Variants in AMOT observed in about 807,000 individuals in gnomAD.
The protein encoded by AMOT is angiomotin.
Under a neutral mutation model 67.0 loss-of-function variants are expected in AMOT, and 11 were observed. The ratio of observed to expected loss-of-function variants is 0.16; its 90% CI spans 0.10 to 0.27. The LOEUF (loss-of-function observed/expected upper bound fraction) is 0.27, where lower values mean the gene tolerates loss of function less well. Among genes scored for constraint, AMOT ranks in the 10% least tolerant of loss-of-function variants. The pLI is 1.00. For missense variants in AMOT, 753 were observed against 852.0 expected (o/e 0.88, Z 1.45); for synonymous variants, 326 against 321.4 (o/e 1.01, Z -0.15).
intron 2 of AMOT, among the ~76,000 whole-genome samples, chrX:112,829,365 G>A (rs1385168287): frequency 1.8e-5 from 2 of 110,709 alleles, no homozygotes; most frequent in Non-Finnish European, 3.8e-5. Context: ...TCTTGCTCTC[G>A]CTTTTGCCAT....
chrX:112,807,308 C>T (rs970754019), intron 7 of AMOT, among the ~76,000 whole-genome samples: 33 of 110,392 alleles, frequency 3.0e-4, no homozygotes, highest in African/African-American at 1.0e-3. Flanking sequence ...CCCTTTCCCC[C>T]AGATTTTACT....
In AMOT at chrX:112,779,192, G is replaced by C. The variant is rs1933025538; in HGVS notation, c.2962C>G (p.Pro988Ala). 1.3e-6 allele frequency: 1 copy of C among 779,477 alleles called. No homozygotes were observed. The allele number at this position is 779,477 out of a possible 1,213,427, so 64.2% of individuals were successfully genotyped here. The part of the protein sequence containing the change: ...PVPAPALVPV[P>A]APAAAQASAP... ...GAAGCCTGAGCCGCTGCTGGAGCTG[G>C]AACCGGAACCAGAGCCGGAGCTGGA... The change falls in exon 13 of 14, where the codon CCA (proline) becomes GCA (alanine). Residue 988 changes from proline to alanine, a missense_variant. Coordinates refer to ENST00000371959, the MANE Select transcript of AMOT (RefSeq NM_001113490.2).
chrX:112,784,677 A>G (rs955387553), intron 10 of AMOT, among the ~76,000 whole-genome samples: 3 of 112,293 alleles, frequency 2.7e-5, no homozygotes, highest in African/African-American at 6.5e-5. Flanking sequence ...ATGGAAGGAG[A>G]CTAACATACA....
At chrX:112,805,129 A>C in intron 7 of AMOT, 37 bp from the exon 8 acceptor site, 1 of 1,207,457 alleles carries the variant, frequency 8.3e-7, no homozygotes, top group Non-Finnish European at 1.1e-6. Flanking sequence ...GCCAGCCTGG[A>C]GCTAGCTCAA....
rs192258225 is a variant in AMOT, at chrX:112,823,159, G to C, written c.-33C>G. On this transcript the variant is annotated 5_prime_UTR_variant, in exon 4 of 14. Coordinates refer to ENST00000371959, the MANE Select transcript of AMOT (RefSeq NM_001113490.2). ...GCTGGTGGTGCCTTGTGAAGAGAGA[G>C]AGAAATTGGGCACCTGGGCTGCCCT... 7 of 1,124,305 alleles carry C rather than the reference G, an allele frequency of 6.2e-6. No homozygotes were observed. The highest frequency in any genetic ancestry group is 2.9e-5 in the Admixed American group (1 of 34,134). The allele number at this position is 1,124,305 out of a possible 1,213,427, so 92.7% of individuals were successfully genotyped here. A position where few individuals can be genotyped will look rare whatever the true frequency, so the allele number is the denominator to read the frequency against.
rs1049117404 is a variant in AMOT, at chrX:112,836,608, G to A, written c.-289+3844C>T. 3.6e-5 allele frequency among the ~76,000 whole-genome samples: 4 copies of A among 110,775 alleles called. No homozygotes were observed. The Admixed American group carries it at 3.9e-4, about 11-fold the overall frequency. On this transcript the variant is annotated intron_variant, in intron 1 of 13. Coordinates refer to ENST00000371959, the MANE Select transcript of AMOT (RefSeq NM_001113490.2). ...AAAGGAACTAGAAAAAATGAAAGCA[G>A]GTGATCTCTTAGGATGATGGAATTC...
At position 112,782,592 on chromosome X, in the gene AMOT, C is replaced by G; in HGVS notation, c.2188G>C (p.Glu730Gln). ...TTGGCCATCAAGATTTCTTCCTCCT[C>G]TTTCTGGATGCGAGCTTCTAGAGCT... The part of the protein sequence containing the change: ...DTALEARIQK[E>Q]EEEILMANKR... Residue 730 changes from glutamate to glutamine, a missense_variant, in exon 11 of 14, where the codon GAG (glutamate) becomes CAG (glutamine). Around this residue, in one of 5 missense-constraint regions of AMOT, gnomAD observed 269 missense variants for 300.9 expected, o/e 0.89. Transcript: ENST00000371959. 8.3e-7 allele frequency: 1 copy of G among 1,211,826 alleles called. No homozygotes were observed. The highest frequency in any genetic ancestry group is 1.7e-5 in the African/African-American group (1 of 57,845).
chrX:112,779,204 G>C lies in AMOT; in HGVS notation c.2950C>G (p.Leu984Val). Residue 984 changes from leucine (L) to valine (V), a missense_variant, in exon 13 of 14, where the codon CTG becomes GTG. Coordinates refer to ENST00000371959, the MANE Select transcript of AMOT (RefSeq NM_001113490.2). Reference sequence around the variant, plus strand: ...GCTGCTGGAGCTGGAACCGGAACCAGAGCCGGAGCTGGAACTGGAGCCGGA... The same window carrying C: ...GCTGCTGGAGCTGGAACCGGAACCACAGCCGGAGCTGGAACTGGAGCCGGA... ...AAPAPVPAPA[L>V]VPVPAPAAAQ... is the part of the protein sequence containing the mutation. The C allele has an allele frequency of 1.3e-6, 1 of 750,329 alleles. No individual in the cohort carries two copies. 61.8% of individuals were successfully genotyped at this position (750,329 alleles called of 1,213,427 possible).
chrX:112,793,801 T>C (rs1424860415), intron 8 of AMOT, among the ~76,000 whole-genome samples: 1 of 111,986 alleles, frequency 8.9e-6, no homozygotes, highest in Non-Finnish European at 1.9e-5. Context: ...CAAAACACCA[T>C]CAAACTCTTT....
intron 8 of AMOT, among the ~76,000 whole-genome samples, chrX:112,795,318 C>A (rs1454922351): frequency 9.1e-6 from 1 of 109,331 alleles, no homozygotes; most frequent in Non-Finnish European, 1.9e-5. Flanking sequence ...TCAGAAATTT[C>A]TATCTGACAG....
intron 5 of AMOT, among the ~76,000 whole-genome samples, chrX:112,814,585 G>A (rs1320990717): frequency 8.9e-6 from 1 of 112,001 alleles, no homozygotes; most frequent in Non-Finnish European, 1.9e-5. Flanking sequence ...GCAGCCCCTG[G>A]AAGCCAAGAG....
intron 8 of AMOT, among the ~76,000 whole-genome samples, chrX:112,795,195 CTCTT>C (rs1432405430): frequency 9.0e-6 from 1 of 110,703 alleles, no homozygotes; most frequent in Non-Finnish European, 1.9e-5. Flanking sequence ...AAAACAAATT[CTCTT>C]TCTCTCTCTT....
intron 8 of AMOT, among the ~76,000 whole-genome samples, chrX:112,800,468 G>A (rs746763895): frequency 6.7e-4 from 75 of 111,384 alleles, no homozygotes; most frequent in African/African-American, 2.4e-3. Context: ...TCACATCCTT[G>A]GATCTTCCAT....
At chrX:112,803,706 G>A (rs1041579635) in intron 8 of AMOT, among the ~76,000 whole-genome samples, 2 of 112,028 alleles carry the variant, frequency 1.8e-5, no homozygotes, top group Non-Finnish European at 3.8e-5. Flanking sequence ...TGATAAGTTG[G>A]GAAATCTCCA....
chrX:112,823,122 C>G lies in AMOT; in HGVS notation c.5G>C (p.Arg2Thr). Residue 2 changes from arginine (R) to threonine (T), a missense_variant, in exon 4 of 14, where the codon AGA (arginine) becomes ACA (threonine). Coordinates refer to ENST00000371959, the MANE Select transcript of AMOT (RefSeq NM_001113490.2). Reference protein sequence around the residue: MRNSEEQPSGGT... With the variant: MTNSEEQPSGGT... ...TCCACTTGGCTGTTCTTCAGAATTT[C>G]TCATCTCTATTGCTGGTGGTGCCTT... The G allele has an allele frequency of 4.3e-6, 5 of 1,155,095 alleles. No homozygotes were observed. The highest frequency in any genetic ancestry group is 5.8e-6 in the Non-Finnish European group (5 of 865,269).
intron 5 of AMOT, among the ~76,000 whole-genome samples, chrX:112,811,869 T>A (rs1028707862): frequency 1.8e-5 from 2 of 111,573 alleles, no homozygotes; most frequent in East Asian, 2.8e-4. Flanking sequence ...CCTCTGAAGA[T>A]CAACTGTCAG....
chrX:112,832,205 T>C (rs749307542), intron 2 of AMOT, 89 bp downstream of exon 2: 3 of 111,507 alleles, frequency 2.7e-5, no homozygotes, highest in Admixed American at 9.5e-5. Context: ...GAGTGAATGA[T>C]AACTTCCCCA....
chrX:112,790,782 G>A lies in AMOT; in HGVS notation c.1927C>T (p.Arg643Cys), dbSNP rs1414246520. The change falls in exon 10 of 14, where the codon CGT becomes TGT. Residue 643 changes from arginine to cysteine, a missense_variant and splice_region_variant. Arg to Cys is a radical substitution (Grantham distance 180). This residue lies in a region of AMOT where 66 missense variants were observed against 112.9 expected (regional missense o/e 0.58). Coordinates refer to ENST00000371959, the MANE Select transcript of AMOT (RefSeq NM_001113490.2). ...TTGGTGGGCTGACAGTTGCCCTGACGCTGTTGGGGCAGATGCAGAGAACCC... is the reference window on the plus strand; with the variant it reads ...TTGGTGGGCTGACAGTTGCCCTGACACTGTTGGGGCAGATGCAGAGAACCC... ...RELESLRIQQ[R>C]QGNCQPTNVS... 4.3e-6 allele frequency: 5 copies of A among 1,167,048 alleles called. No individual in the cohort carries two copies. In the Admixed American group the frequency reaches 7.2e-5, roughly 17 times the overall value.
intron 11 of AMOT, among the ~76,000 whole-genome samples, 181 bp from the exon 12 acceptor site, chrX:112,781,299 G>T (rs1933158815): frequency 9.0e-6 from 1 of 110,654 alleles, no homozygotes; most frequent in African/African-American, 3.3e-5. Flanking sequence ...AATTAGCTGG[G>T]TGTGGTGGCA....
Sources: gnomAD v4.1 joint callset for allele counts (sites outside exome capture counted in the v4.1 genomes callset) on GRCh38, gnomAD v4.1.1 for gene constraint, gnomAD v4.1.1 regional missense constraint, MANE v1.5 for transcripts, NCBI Gene and HGNC (gene_info 2026-07-23, HGNC 2026-07-21) for gene names.